The following EPB41L4B variants were observed in gnomAD, a reference collection of about 807,000 sequenced individuals.
EPB41L4B encodes band 4.1-like protein 4B.
EPB41L4B carries 30 observed loss-of-function variants against 112.5 expected under a neutral mutation model. The ratio of observed to expected loss-of-function variants is 0.27; its 90% confidence interval spans 0.20 to 0.36. The LOEUF (loss-of-function observed/expected upper bound fraction) is 0.36. EPB41L4B is among the 10% of genes least tolerant of loss of function. The probability of loss-of-function intolerance (pLI) is 1.00; values close to 1 mark genes in which losing one functional copy is unlikely to be tolerated. For missense variants in EPB41L4B, 1,024 were observed against 1,133.3 expected (o/e 0.90, Z 1.38); for synonymous variants, 408 against 439.7 (o/e 0.93, Z 0.90).
intron 15 of EPB41L4B, among the ~76,000 whole-genome samples, chr9:109,230,748 C>G (rs1263694703): frequency 6.6e-6 from 1 of 152,108 alleles, no homozygotes; most frequent in Non-Finnish European, 1.5e-5. Flanking sequence ...AAGTGTCATA[C>G]ATTATGAATG....
intron 1 of EPB41L4B, among the ~76,000 whole-genome samples, chr9:109,309,970 T>C (rs573529387): frequency 3.7e-4 from 57 of 152,286 alleles, no homozygotes; most frequent in Non-Finnish European, 7.8e-4. Context: ...AACAATTTTG[T>C]ATGATTATAA....
chr9:109,223,848 G>C (rs1833673725), intron 15 of EPB41L4B, among the ~76,000 whole-genome samples: 1 of 151,974 alleles, frequency 6.6e-6, no homozygotes, highest in Non-Finnish European at 1.5e-5. Context: ...GCGAAGCTCT[G>C]TCTCTACTAA....
chr9:109,229,159 G>A (rs939592987), intron 15 of EPB41L4B, among the ~76,000 whole-genome samples: 2 of 152,188 alleles, frequency 1.3e-5, no homozygotes, highest in African/African-American at 4.8e-5. Context: ...TCATGTTCAT[G>A]ATTCTGAGAT....
At chr9:109,236,608 A>C (rs1474815206) in intron 15 of EPB41L4B, among the ~76,000 whole-genome samples, 1 of 152,218 alleles carries the variant, frequency 6.6e-6, no homozygotes, top group African/African-American at 2.4e-5. Context: ...AGAATGCCAC[A>C]ATCCACATTT....
In EPB41L4B at chr9:109,207,909, A is replaced by G. The variant is rs767426533; in HGVS notation, c.1878+15T>C. The G allele has an allele frequency of 4.3e-6, 7 of 1,614,054 alleles. No individual in the cohort carries two copies. The highest frequency in any genetic ancestry group is 2.2e-5 in the South Asian group (2 of 91,038). On this transcript the variant is annotated intron_variant, in intron 18 of 25. Coordinates refer to ENST00000374566, the MANE Select transcript of EPB41L4B (RefSeq NM_019114.5). ...CTATAACATGAAATCAAAGGAATGT[A>G]TGCATTCTGCGCACCTGGATGTTCA...
intron 6 of EPB41L4B, among the ~76,000 whole-genome samples, chr9:109,261,321 G>A (rs1835194777): frequency 6.6e-6 from 1 of 151,862 alleles, no homozygotes; most frequent in Non-Finnish European, 1.5e-5. Flanking sequence ...GGTGGGGTGA[G>A]GGGGGTCTCT....
At chr9:109,236,515 G>A (rs1834148276) in intron 15 of EPB41L4B, among the ~76,000 whole-genome samples, 1 of 152,032 alleles carries the variant, frequency 6.6e-6, no homozygotes, top group East Asian at 1.9e-4. Flanking sequence ...CTTTCCAAAA[G>A]TGAAAAGCAA....
At chr9:109,246,702 G>A (rs143481446) in intron 14 of EPB41L4B, among the ~76,000 whole-genome samples, 26 of 152,354 alleles carry the variant, frequency 1.7e-4, no homozygotes, top group African/African-American at 6.3e-4. Flanking sequence ...GGAAGAATGT[G>A]CTTGATCCAG....
chr9:109,286,897 G>T (rs976970167), intron 1 of EPB41L4B, among the ~76,000 whole-genome samples: 2 of 152,204 alleles, frequency 1.3e-5, no homozygotes, highest in African/African-American at 4.8e-5. Flanking sequence ...TTCCAGACTT[G>T]TATGGTGAGC....
chr9:109,275,004 C>T (rs1835758284), intron 2 of EPB41L4B, among the ~76,000 whole-genome samples: 1 of 152,244 alleles, frequency 6.6e-6, no homozygotes, highest in Non-Finnish European at 1.5e-5. Context: ...GATATGTAGA[C>T]ACAGACTCCC....
chr9:109,229,262 G>T (rs1166205891), intron 15 of EPB41L4B, among the ~76,000 whole-genome samples: 1 of 152,116 alleles, frequency 6.6e-6, no homozygotes, highest in Admixed American at 6.6e-5. Context: ...AATAACTGCA[G>T]GGTTTCTTCT....
intron 13 of EPB41L4B, 48 bp from the exon 14 acceptor site, chr9:109,247,837 T>C (rs1834618870): frequency 7.5e-7 from 1 of 1,332,984 alleles, no homozygotes; most frequent in Non-Finnish European, 1.0e-6. Flanking sequence ...AAAAATAGGT[T>C]GTAGAGTGGC....
rs1831733050 is a variant in EPB41L4B at position 109,174,370 on chromosome 9, G to T, written c.*184C>A. 1.6e-6 allele frequency: 1 copy of T among 606,100 alleles called. No homozygotes were observed. The highest frequency in any genetic ancestry group is 3.0e-6 in the Non-Finnish European group (1 of 334,160). The allele number at this position is 606,100 out of a possible 1,614,324, so 37.5% of individuals were successfully genotyped here. A position where few individuals can be genotyped will look rare whatever the true frequency, so the allele number is the denominator to read the frequency against. ...CATAGAGTAATAGAAAAACTCTAAT[G>T]CTTAGGAGACATAAAATAACTTTTC... On this transcript the variant is annotated 3_prime_UTR_variant, in exon 26 of 26. Coordinates refer to ENST00000374566, the MANE Select transcript of EPB41L4B (RefSeq NM_019114.5).
intron 14 of EPB41L4B, among the ~76,000 whole-genome samples, chr9:109,247,196 CA>C (rs1834591004): frequency 7.0e-6 from 1 of 142,880 alleles, no homozygotes; most frequent in South Asian, 2.3e-4. Context: ...TTTTTTTAAT[CA>C]GGGGCGTGAG....
chr9:109,193,660 CAA>C (rs1832543157), intron 21 of EPB41L4B, among the ~76,000 whole-genome samples: 1 of 152,168 alleles, frequency 6.6e-6, no homozygotes, highest in Non-Finnish European at 1.5e-5. Flanking sequence ...GACCAATTGC[CAA>C]AGAGTAATCG....
chr9:109,192,446 T>TG, intron 21 of EPB41L4B, 91 bp from the exon 22 acceptor site: 6 of 835,674 alleles, frequency 7.2e-6, no homozygotes, highest in Non-Finnish European at 1.1e-5. Flanking sequence ...TCCCAGCCTC[T>TG]CCTCTACACT....
In EPB41L4B at chr9:109,255,559, T is replaced by A. The variant is rs1834946284; in HGVS notation, c.1121A>T (p.Lys374Ile). The change falls in exon 11 of 26, where the codon AAA becomes ATA. Residue 374 changes from lysine to isoleucine, a missense_variant. Transcript: ENST00000374566. ...CCTGATAAAGTCGGATCTATTGGAT[T>A]TGCTGTTTCCTGGCGTCCGCAGTCG... is the stretch of plus-strand genomic sequence containing the variant. ...FFRLRTPGNSKSNRSDFIRLG... is the reference protein window; with the variant it reads ...FFRLRTPGNSISNRSDFIRLG... 6.2e-7 allele frequency: 1 copy of A among 1,614,110 alleles called. No individual in the cohort carries two copies. Among genetic ancestry groups the A allele is most frequent in the Admixed American group, 1.7e-5 (1 of 60,012 alleles).
At chr9:109,283,875 C>A (rs750273573) in intron 1 of EPB41L4B, among the ~76,000 whole-genome samples, 2 of 151,188 alleles carry the variant, frequency 1.3e-5, no homozygotes, top group Non-Finnish European at 2.9e-5. Flanking sequence ...TTGCTTGAGG[C>A]CAGGAGTTCG....
At chr9:109,308,540 C>G (rs1048821673) in intron 1 of EPB41L4B, among the ~76,000 whole-genome samples, 2 of 152,076 alleles carry the variant, frequency 1.3e-5, no homozygotes, top group African/African-American at 4.8e-5. Context: ...CTGAAAACCA[C>G]AGAAGAAAAT....
Sources: allele counts gnomAD v4.1 joint callset (sites outside exome capture counted in the v4.1 genomes callset), GRCh38; gene constraint gnomAD v4.1.1; transcripts MANE v1.5; gene names NCBI Gene and HGNC (gene_info 2026-07-23, HGNC 2026-07-21).